The following DPF3 variants were observed in gnomAD, a reference collection of about 807,000 sequenced individuals.
DPF3 encodes double PHD fingers 3, also known as zinc finger protein DPF3.
In DPF3, 18 loss-of-function variants were observed where a neutral mutation model predicts 56.8. The ratio of observed to expected loss-of-function variants is 0.32; its 90% CI spans 0.22 to 0.47. The LOEUF is 0.47. Among genes scored for constraint, DPF3 ranks in the 20% least tolerant of loss-of-function variants. DPF3 has a pLI of 1.00. For synonymous variants in DPF3, 188 were observed against 180.2 expected, an observed-to-expected ratio of 1.04 and a Z score of -0.35; for missense variants, 403 against 488.8, an observed-to-expected ratio of 0.82 and a Z score of 1.65.
rs535449611 is a variant in DPF3 at position 72,613,191 on chromosome 14, T to A, written c.*6106A>T. ...TAACCTGGGAGTCTGTAGGGTTGTG[T>A]TGCTGAGGGAATATATAGGCCCCAG... On this transcript the variant is annotated 3_prime_UTR_variant, in exon 11 of 11. Transcript: ENST00000556509. 2.2e-4 allele frequency among the ~76,000 whole-genome samples: 34 copies of A among 152,250 alleles called. No homozygotes were observed. The highest frequency in any genetic ancestry group is 7.2e-4 in the African/African-American group (30 of 41,534).
intron 1 of DPF3, among the ~76,000 whole-genome samples, chr14:72,827,760 G>A (rs57800420): frequency 1.3e-5 from 2 of 151,866 alleles, no homozygotes; most frequent in Admixed American, 1.3e-4. Flanking sequence ...GATTACAGGT[G>A]TGAGCCACTG....
chr14:72,782,525 C>A (rs1892021892), intron 1 of DPF3, among the ~76,000 whole-genome samples: 1 of 152,158 alleles, frequency 6.6e-6, no homozygotes, highest in African/African-American at 2.4e-5. Flanking sequence ...ATAACCAGCC[C>A]CAGTGATCTT....
At chr14:72,744,618 G>C (rs973130582) in intron 3 of DPF3, among the ~76,000 whole-genome samples, 5 of 152,054 alleles carry the variant, frequency 3.3e-5, no homozygotes, top group African/African-American at 1.2e-4. Context: ...CAAGATTCTT[G>C]AACGTGCACC....
Position 72,853,034 on chromosome 14 carries a change from C to CGTGT in DPF3, c.32+41019_32+41022dup, listed in dbSNP as rs10522943. On this transcript the variant is annotated intron_variant, in intron 1 of 10. Transcript: ENST00000556509. ...CAACAACTATTCTGCCATAGCCTTGCGTGTGTGTGTGTGTATGTGTGTGTG... is the reference window on the plus strand; with the variant it reads ...CAACAACTATTCTGCCATAGCCTTGCGTGTGTGTGTGTGTGTGTATGTGTGTGTG... Among the ~76,000 whole-genome samples the CGTGT allele has an allele frequency of 6.0e-3, 866 of 144,106 alleles. 12 individuals carry two copies. The highest frequency in any genetic ancestry group is 0.016 in the African/African-American group (622 of 39,644). 94.5% of individuals were successfully genotyped at this position (144,106 alleles called of 152,430 possible).
intron 1 of DPF3, among the ~76,000 whole-genome samples, chr14:72,888,407 A>T (rs1198292412): frequency 6.6e-6 from 1 of 152,192 alleles, no homozygotes; most frequent in East Asian, 1.9e-4. Flanking sequence ...CCATTCATCC[A>T]TATGGTTTGA....
At chr14:72,827,096 A>G (rs138227550) in intron 1 of DPF3, among the ~76,000 whole-genome samples, 1 of 139,444 alleles carries the variant, frequency 7.2e-6, no homozygotes, top group Non-Finnish European at 1.5e-5. Context: ...AGTTAGTACA[A>G]TAGCCTCTGC....
chr14:72,657,360 G>C (rs1240689363), intron 8 of DPF3, among the ~76,000 whole-genome samples: 1 of 152,176 alleles, frequency 6.6e-6, no homozygotes, highest in East Asian at 1.9e-4. Context: ...GTCCACAATG[G>C]AGAGTCGCTG....
chr14:72,753,502 A>G (rs1221938847), intron 2 of DPF3, 131 bp from the exon 3 acceptor site: 5 of 724,290 alleles, frequency 6.9e-6, no homozygotes, highest in Non-Finnish European at 8.7e-6. Flanking sequence ...TCAACATCAC[A>G]AAGCTGATTG....
In DPF3 at chr14:72,702,756, C is replaced by G. The variant is rs371244342; in HGVS notation, c.605-9543G>C. Among the ~76,000 whole-genome samples, 130 of 152,308 alleles carry G rather than the reference C, an allele frequency of 8.5e-4. 1 individual carries two copies. The highest frequency in any genetic ancestry group is 3.1e-3 in the African/African-American group (128 of 41,570). On this transcript the variant is annotated intron_variant, in intron 6 of 10. Transcript: ENST00000556509. ...AGATCGGGATAAAGCCCAGGAGGTA[C>G]TTCCAAAAGCCACCTGCTCAGACTG...
chr14:72,746,399 C>T (rs1890324919), intron 3 of DPF3, among the ~76,000 whole-genome samples: 1 of 152,226 alleles, frequency 6.6e-6, no homozygotes, highest in Admixed American at 6.5e-5. Context: ...TTCTGGGAGC[C>T]AGGTGCAGCC....
rs1883890958 is a variant in DPF3, at chr14:72,613,575, A to C, written c.*5722T>G. On this transcript the variant is annotated 3_prime_UTR_variant, in exon 11 of 11. Coordinates refer to ENST00000556509, the MANE Select transcript of DPF3 (RefSeq NM_001280542.3). ...AGAGAAAGGGAAGGAGTGGGGACAG[A>C]AGCTGGAACAAAGGGCCCTGGGGAG... Among the ~76,000 whole-genome samples the C allele has an allele frequency of 6.6e-6, 1 of 152,186 alleles. No homozygotes were observed. Among genetic ancestry groups the C allele is most frequent in the Non-Finnish European group, 1.5e-5 (1 of 68,018 alleles).
chr14:72,708,885 G>A (rs1888533824), intron 6 of DPF3, among the ~76,000 whole-genome samples: 1 of 152,210 alleles, frequency 6.6e-6, no homozygotes, highest in Admixed American at 6.5e-5. Context: ...GGGAAGAAAG[G>A]CGCCACTGTG....
intron 1 of DPF3, chr14:72,879,747 CAG>C: frequency 6.7e-7 from 1 of 1,491,332 alleles, no homozygotes; most frequent in Non-Finnish European, 8.9e-7. Flanking sequence ...GGCAGGGACA[CAG>C]AGCATCCCCT....
chr14:72,844,146 T>C (rs919435296), intron 1 of DPF3, among the ~76,000 whole-genome samples: 1 of 152,312 alleles, frequency 6.6e-6, no homozygotes, highest in Non-Finnish European at 1.5e-5. Context: ...AAAACACGGG[T>C]ACACACATAA....
At chr14:72,785,926 T>A (rs1433740161) in intron 1 of DPF3, among the ~76,000 whole-genome samples, 2 of 152,194 alleles carry the variant, frequency 1.3e-5, no homozygotes, top group Non-Finnish European at 2.9e-5. Context: ...TCCCAGAATG[T>A]TAGACACTGT....
intron 8 of DPF3, chr14:72,671,380 C>T (rs1348640951): frequency 1.9e-6 from 3 of 1,606,860 alleles, no homozygotes; most frequent in Non-Finnish European, 2.6e-6. Context: ...GGTTAAGCAA[C>T]AGACAGCATT....
At chr14:72,737,445 G>A (rs1434853542) in intron 3 of DPF3, among the ~76,000 whole-genome samples, 1 of 152,050 alleles carries the variant, frequency 6.6e-6, no homozygotes, top group Non-Finnish European at 1.5e-5. Flanking sequence ...TGCAACATGG[G>A]AGCACAGTGA....
intron 9 of DPF3, among the ~76,000 whole-genome samples, chr14:72,625,967 C>CAGT (rs1453011461): frequency 6.6e-6 from 1 of 152,158 alleles, no homozygotes; most frequent in African/African-American, 2.4e-5. Context: ...AACTAGAGTA[C>CAGT]AGTATTTGTG....
chr14:72,776,437 C>A (rs2052144), intron 1 of DPF3, among the ~76,000 whole-genome samples: 36,609 of 152,034 alleles, frequency 0.24, 4,715 homozygotes, highest in South Asian at 0.35. Flanking sequence ...GAGAAGCCAG[C>A]CCAGCTCTGA....
Sources: gnomAD v4.1 joint callset for allele counts (sites outside exome capture counted in the v4.1 genomes callset) on GRCh38, gnomAD v4.1.1 for gene constraint, MANE v1.5 for transcripts, NCBI Gene and HGNC (gene_info 2026-07-23, HGNC 2026-07-21) for gene names.